The following AOPEP variants were observed in gnomAD, a reference collection of about 807,000 sequenced individuals.
The protein encoded by AOPEP is aminopeptidase O (putative), also known as aminopeptidase O.
In AOPEP, 77 loss-of-function variants were observed where a neutral mutation model predicts 98.1. The ratio of observed to expected loss-of-function variants is 0.78; its 90% CI spans 0.65 to 0.95. AOPEP has a LOEUF of 0.95. Among genes scored for constraint, AOPEP ranks in the 40% least tolerant of loss-of-function variants. The probability of loss-of-function intolerance (pLI) is 0.00; values close to 1 mark genes in which losing one functional copy is unlikely to be tolerated. For synonymous variants in AOPEP, 346 were observed against 365.3 expected (o/e 0.95, Z 0.60); for missense variants, 1,024 against 1,024.7 (o/e 1.00, Z 0.01).
Position 94,934,334 on chromosome 9 carries a change from T to TTTTTTTTTTG in AOPEP, c.1661+5803_1661+5804insTTTTTTTTTG, listed in dbSNP as rs1156808051. On this transcript the variant is annotated intron_variant, in intron 7 of 16. Transcript: ENST00000375315. ...TCCCATCTTTTTTTTTTTTTTTTTT[T>TTTTTTTTTTG]GAGACAGAGTCTGGCTCTATTGCCC... Among the ~76,000 whole-genome samples the TTTTTTTTTTG allele has an allele frequency of 2.5e-3, 374 of 147,870 alleles. 5 individuals carry two copies. The highest frequency in any genetic ancestry group is 0.02 in the East Asian group (99 of 4,874).
At chr9:95,111,495 G>T in the AOPEP span, 1 of 1,613,802 alleles carries the variant, frequency 6.2e-7, no homozygotes, top group Non-Finnish European at 8.5e-7. Context: ...CTCCCATCAC[G>T]GGGGCCGTAG....
the AOPEP span, chr9:95,150,160 T>C: frequency 7.8e-6 from 12 of 1,546,218 alleles, no homozygotes; most frequent in South Asian, 1.3e-4. Flanking sequence ...AAAACCTTCA[T>C]GCTAAAAAGG....
chr9:94,805,474 TTTG>T (rs1392399559), intron 5 of AOPEP, among the ~76,000 whole-genome samples: 4 of 149,932 alleles, frequency 2.7e-5, no homozygotes, highest in African/African-American at 1.0e-4. Context: ...TGAAAGGTTT[TTTG>T]TTTTTTGTTT....
At chr9:94,922,995 T>A (rs970326919) in intron 5 of AOPEP, among the ~76,000 whole-genome samples, 8 of 152,170 alleles carry the variant, frequency 5.3e-5, no homozygotes, top group Non-Finnish European at 1.2e-4. Context: ...ACAAATGACT[T>A]TTGAAGGGAG....
the AOPEP span, among the ~76,000 whole-genome samples, chr9:95,139,076 T>C: frequency 6.6e-6 from 1 of 152,356 alleles, no homozygotes; most frequent in East Asian, 1.9e-4. Context: ...ATATGCTTGC[T>C]TAACAGAATT....
intron 5 of AOPEP, among the ~76,000 whole-genome samples, chr9:94,919,035 C>T (rs115442661): frequency 0.016 from 2,358 of 152,126 alleles, 63 homozygotes; most frequent in African/African-American, 0.054. Context: ...CTTGCTTCAG[C>T]CTCCTAGTAG....
At chr9:95,135,348 G>T in the AOPEP span, 1 of 1,613,800 alleles carries the variant, frequency 6.2e-7, no homozygotes, top group Non-Finnish European at 8.5e-7. Context: ...GTACGTACCA[G>T]CGATGAATCT....
intron 5 of AOPEP, among the ~76,000 whole-genome samples, chr9:94,879,836 A>G (rs1212270492): frequency 6.6e-6 from 1 of 152,164 alleles, no homozygotes; most frequent in East Asian, 1.9e-4. Context: ...TGGAACATAT[A>G]CCTCACCAAT....
chr9:95,036,425 T>C (rs982725218), intron 13 of AOPEP, among the ~76,000 whole-genome samples: 7 of 152,228 alleles, frequency 4.6e-5, no homozygotes, highest in African/African-American at 1.7e-4. Flanking sequence ...TAGTTGCCCT[T>C]TAAATGACAA....
chr9:95,108,495 G>T, the AOPEP span, among the ~76,000 whole-genome samples: 2 of 152,232 alleles, frequency 1.3e-5, no homozygotes, highest in Non-Finnish European at 2.9e-5. Context: ...CTAAGATGGG[G>T]TCTATCTTCC....
chr9:95,067,644 A>T (rs1373526007), intron 14 of AOPEP, among the ~76,000 whole-genome samples: 1 of 152,170 alleles, frequency 6.6e-6, no homozygotes, highest in Non-Finnish European at 1.5e-5. Context: ...AGCCTTTCTC[A>T]ACTTGGTTCT....
intron 14 of AOPEP, among the ~76,000 whole-genome samples, chr9:95,061,797 TG>T (rs2067338402): frequency 6.6e-6 from 1 of 152,210 alleles, no homozygotes. Context: ...CAACAGTGAT[TG>T]AAAAACTCCA....
chr9:94,919,298 T>C (rs1046603161), intron 5 of AOPEP, among the ~76,000 whole-genome samples: 1 of 152,254 alleles, frequency 6.6e-6, no homozygotes, highest in Non-Finnish European at 1.5e-5. Flanking sequence ...GTTTCCACTT[T>C]AGGCTACTGA....
At chr9:95,145,247 T>A in the AOPEP span, 1 of 152,202 alleles carries the variant, frequency 6.6e-6, no homozygotes, top group Non-Finnish European at 1.5e-5. Context: ...TGAAAATCTA[T>A]TTGAAGATGG....
chr9:94,768,922 A>G (rs1024434674), intron 2 of AOPEP, among the ~76,000 whole-genome samples: 1 of 152,266 alleles, frequency 6.6e-6, no homozygotes, highest in Non-Finnish European at 1.5e-5. Context: ...TTTTAGCAAC[A>G]TGGCCGAGGT....
rs1744047053 is a variant in AOPEP, at chr9:94,930,702, G to A, written c.1661+2171G>A. Reference sequence around the variant, plus strand: ...GAGTGGCTGATGTTGGAAGCTGCCTGGGGGATGAAGAGGGGCGAAAGAGAG... The same window carrying A: ...GAGTGGCTGATGTTGGAAGCTGCCTAGGGGATGAAGAGGGGCGAAAGAGAG... On this transcript the variant is annotated intron_variant, in intron 7 of 16. Coordinates refer to ENST00000375315, the MANE Select transcript of AOPEP (RefSeq NM_001193329.3). The surrounding 1 kb of genome is among the most constrained non-coding windows in gnomAD (Gnocchi z 4.5). Among the ~76,000 whole-genome samples, 1 of 152,078 alleles carries A rather than the reference G, an allele frequency of 6.6e-6. No individual in the cohort carries two copies. The highest frequency in any genetic ancestry group is 1.5e-5 in the Non-Finnish European group (1 of 68,010).
intron 14 of AOPEP, among the ~76,000 whole-genome samples, chr9:95,061,507 C>T (rs1038928650): frequency 4.6e-5 from 7 of 152,140 alleles, no homozygotes; most frequent in Admixed American, 4.6e-4. Flanking sequence ...AGCCATTAGC[C>T]ATGTGTGGCT....
chr9:94,955,950 GA>G lies in AOPEP; in HGVS notation c.1810del (p.Thr604ProfsTer6), dbSNP rs1020543475. On this transcript the variant is annotated frameshift_variant, in exon 9 of 17. Transcript: ENST00000375315. LOFTEE classifies it high-confidence loss of function. Reference protein sequence around the residue: ...LRFLAKRLGDETYFSFLRKFV... With the variant: ...LRFLAKRLGDXTYFSFLRKFV... ...GTTTCTTGCCAAAAGACTTGGAGAT[GA>G]AACCTATTTTTCATTTTTAAGAAAA... 15 of 1,613,310 alleles carry G rather than the reference GA, an allele frequency of 9.3e-6. No individual in the cohort carries two copies. In the African/African-American group the frequency reaches 1.9e-4, roughly 20 times the overall value.
intron 7 of AOPEP, among the ~76,000 whole-genome samples, chr9:94,951,128 T>G (rs946155688): frequency 1.3e-5 from 2 of 152,222 alleles, no homozygotes; most frequent in African/African-American, 4.8e-5. Flanking sequence ...TCAGATGACC[T>G]TGGTAACTTG....
Sources: gnomAD v4.1 joint callset for allele counts (sites outside exome capture counted in the v4.1 genomes callset) on GRCh38, gnomAD v4.1.1 for gene constraint, Gnocchi (gnomAD v3.1) non-coding constraint, MANE v1.5 for transcripts, NCBI Gene and HGNC (gene_info 2026-07-23, HGNC 2026-07-21) for gene names.